ANXA9: variants seen among roughly 807,000 people sequenced by gnomAD.
ANXA9 encodes the protein annexin 31.
In ANXA9, 47 loss-of-function variants were observed where a neutral mutation model predicts 51.8. The observed-to-expected ratio is 0.91, with a 90% CI of 0.72 to 1.16. The LOEUF (loss-of-function observed/expected upper bound fraction) is 1.16. Ranked by LOEUF, ANXA9 falls within the 50% of genes most tolerant of loss-of-function variation. ANXA9 has a pLI of 0.00. For synonymous variants in ANXA9, 154 were observed against 168.7 expected, an observed-to-expected ratio of 0.91 and a Z score of 0.68; for missense variants, 361 against 424.7, an observed-to-expected ratio of 0.85 and a Z score of 1.32.
chr1:150,989,622 C>T lies in ANXA9; in HGVS notation c.852+1281C>T, dbSNP rs111265427. On this transcript the variant is annotated intron_variant, in intron 12 of 13. Transcript: ENST00000368947. Reference sequence around the variant, plus strand: ...AGGAGAATTGCTTGAACCTGGGAGGCGGAGGTTGTAGTGAACCAAGATCAC... The same window carrying T: ...AGGAGAATTGCTTGAACCTGGGAGGTGGAGGTTGTAGTGAACCAAGATCAC... Among the ~76,000 whole-genome samples, 1,314 of 151,994 alleles carry T rather than the reference C, an allele frequency of 8.6e-3. 6 individuals are homozygous for T. Among genetic ancestry groups the T allele is most frequent in the Non-Finnish European group, 0.012 (836 of 67,964 alleles).
intron 13 of ANXA9, 66 bp downstream of exon 13, chr1:150,994,765 C>T: frequency 1.3e-6 from 2 of 1,591,206 alleles, no homozygotes; most frequent in Non-Finnish European, 8.6e-7. Flanking sequence ...CCCTCACTCC[C>T]TGCACACAGC....
At chr1:150,987,999 C>G (rs1329366961) in intron 10 of ANXA9, 43 bp downstream of exon 10, 1 of 1,613,546 alleles carries the variant, frequency 6.2e-7, no homozygotes. Context: ...CTCTAATGAT[C>G]AGTTTGGGCT....
chr1:150,984,181 G>A lies in ANXA9; in HGVS notation c.268-100G>A. The A allele has an allele frequency of 2.6e-6, 4 of 1,529,820 alleles. No individual in the cohort carries two copies. The South Asian group carries it at 3.4e-5, about 13-fold the overall frequency. The allele number at this position is 1,529,820 out of a possible 1,614,324, so 94.8% of individuals were successfully genotyped here. A position where few individuals can be genotyped will look rare whatever the true frequency, so the allele number is the denominator to read the frequency against. On this transcript the variant is annotated intron_variant, in intron 5 of 13. Coordinates refer to ENST00000368947, the MANE Select transcript of ANXA9 (RefSeq NM_003568.3). ...AGCCCCTGCTTCCTGGCTAAACAGG[G>A]CCTGAGATGAAAACCAGCCAAATCT...
chr1:150,992,006 A>T (rs1206868705), intron 12 of ANXA9, among the ~76,000 whole-genome samples: 1 of 152,082 alleles, frequency 6.6e-6, no homozygotes, highest in Non-Finnish European at 1.5e-5. Flanking sequence ...GCCTCAGGTG[A>T]TCCACCAGCC....
intron 7 of ANXA9, among the ~76,000 whole-genome samples, chr1:150,985,190 TCACACACACACACA>T (rs768559320): frequency 8.2e-5 from 12 of 146,946 alleles, no homozygotes; most frequent in African/African-American, 2.3e-4. Context: ...TCTCTCTCTC[TCACACACACACACA>T]CACACACACA....
intron 12 of ANXA9, among the ~76,000 whole-genome samples, chr1:150,991,648 TCTC>T (rs2102803880): frequency 6.6e-6 from 1 of 152,104 alleles, no homozygotes; most frequent in South Asian, 2.1e-4. Flanking sequence ...TTCAAGCAAT[TCTC>T]CTGCCTCACC....
rs771297491 is a variant in ANXA9 at position 150,986,584 on chromosome 1, A to T, written c.553-18A>T. ...GGTGCCCTTCAAAGAGCCCTCTAAG[A>T]ACAGTTTCTCCTCCTAGGGGGGCCG... On this transcript the variant is annotated intron_variant, in intron 8 of 13. Transcript: ENST00000368947. 1 of 1,611,360 alleles carries T rather than the reference A, an allele frequency of 6.2e-7. No homozygotes were observed. Among genetic ancestry groups the T allele is most frequent in the African/African-American group, 1.3e-5 (1 of 74,734 alleles).
intron 9 of ANXA9, 125 bp downstream of exon 9, chr1:150,986,786 G>A: frequency 3.1e-6 from 3 of 959,162 alleles, no homozygotes; most frequent in South Asian, 1.8e-5. Flanking sequence ...CTTGGAGAGG[G>A]AGTTCTCAGT....
chr1:150,993,549 A>C (rs1283495700), intron 12 of ANXA9, among the ~76,000 whole-genome samples: 1 of 150,260 alleles, frequency 6.7e-6, no homozygotes, highest in African/African-American at 2.5e-5. Context: ...ACCATAAATG[A>C]TCTGCTTGCC....
intron 12 of ANXA9, among the ~76,000 whole-genome samples, chr1:150,989,665 T>A (rs1307525261): frequency 6.6e-6 from 1 of 152,132 alleles, no homozygotes; most frequent in Non-Finnish European, 1.5e-5. Context: ...CACTCCAGCC[T>A]GGGTGACACA....
At chr1:150,992,931 C>T (rs1447806535) in intron 12 of ANXA9, among the ~76,000 whole-genome samples, 1 of 152,142 alleles carries the variant, frequency 6.6e-6, no homozygotes, top group Non-Finnish European at 1.5e-5. Flanking sequence ...ATCTTTATGA[C>T]AATACAAAAC....
intron 6 of ANXA9, 93 bp from the exon 7 acceptor site, chr1:150,984,493 G>A (rs1458103168): frequency 6.5e-7 from 1 of 1,534,550 alleles, no homozygotes; most frequent in Non-Finnish European, 9.0e-7. Flanking sequence ...GTCCCATATT[G>A]TTTCTTAGAA....
chr1:150,994,965 A>C (rs1301299340), intron 13 of ANXA9: 3 of 333,654 alleles, frequency 9.0e-6, no homozygotes, highest in African/African-American at 6.7e-5. Flanking sequence ...GGTGGCGTGC[A>C]CCTGTAATCC....
In ANXA9 at chr1:150,986,674, T is replaced by C. The variant is rs755140312; in HGVS notation, c.612+13T>C. The stretch of plus-strand genomic sequence containing the variant: ...ACAAGATGTCCAGGTGAGCAGGGGG[T>C]TTAGGAGTGTGCACAGCCGCCATGC... On this transcript the variant is annotated intron_variant, in intron 9 of 13. Coordinates refer to ENST00000368947, the MANE Select transcript of ANXA9 (RefSeq NM_003568.3). 1.4e-5 allele frequency: 22 copies of C among 1,585,202 alleles called. No homozygotes were observed. Among genetic ancestry groups the C allele is most frequent in the Non-Finnish European group, 1.9e-5 (22 of 1,171,316 alleles).
chr1:150,988,743 A>T (rs1313567579), intron 12 of ANXA9, among the ~76,000 whole-genome samples: 1 of 152,198 alleles, frequency 6.6e-6, no homozygotes, highest in African/African-American at 2.4e-5. Context: ...CACATATTTC[A>T]ATTAATCCTC....
At chr1:150,980,640 C>T (rs1439007678), upstream of ANXA9, among the ~76,000 whole-genome samples, 2 of 129,316 alleles carry the variant, frequency 1.5e-5, no homozygotes, top group Admixed American at 1.0e-4. Context: ...AGTGCAGTGG[C>T]GCCATCTCAG....
At chr1:150,983,743 T>G (rs1353176030) in intron 4 of ANXA9, among the ~76,000 whole-genome samples, 1 of 151,050 alleles carries the variant, frequency 6.6e-6, no homozygotes, top group Non-Finnish European at 1.5e-5. Context: ...CCAAGTCGTA[T>G]TTTTTTTTAA....
rs367953079 is a variant in ANXA9, at chr1:150,983,277, A to T, written c.76-61A>T. On this transcript the variant is annotated intron_variant, in intron 3 of 13. Transcript: ENST00000368947. ...AAAGTGGAGGACAGGCCCTGAGGTTATGCTGAGGAGGTGTAGGCAGCCTGG... is the reference window on the plus strand; with the variant it reads ...AAAGTGGAGGACAGGCCCTGAGGTTTTGCTGAGGAGGTGTAGGCAGCCTGG... 1.0e-5 allele frequency: 16 copies of T among 1,600,706 alleles called. 1 individual carries two copies. The African/African-American group carries it at 2.1e-4, about 21-fold the overall frequency.
chr1:150,990,802 C>T (rs11587718), intron 12 of ANXA9, among the ~76,000 whole-genome samples: 71,066 of 151,564 alleles, frequency 0.47, 19,397 homozygotes, highest in Non-Finnish European at 0.61. Flanking sequence ...GCCGAGGTGA[C>T]GCCACTGCGC....
Sources: gnomAD v4.1 joint callset for allele counts (sites outside exome capture counted in the v4.1 genomes callset) on GRCh38, gnomAD v4.1.1 for gene constraint, MANE v1.5 for transcripts, NCBI Gene and HGNC (gene_info 2026-07-23, HGNC 2026-07-21) for gene names.